ZBTB33: variants seen among roughly 807,000 people sequenced by gnomAD.
The protein encoded by ZBTB33 is zinc finger and BTB domain containing 33.
Under a neutral mutation model 25.9 loss-of-function variants are expected in ZBTB33, and 11 were observed. The ratio of observed to expected loss-of-function variants is 0.42; its 90% CI spans 0.27 to 0.70. The LOEUF is 0.70. ZBTB33 is among the 30% of genes least tolerant of loss of function. ZBTB33 has a pLI of 0.23. For missense variants in ZBTB33, 343 were observed against 501.1 expected (o/e 0.68, Z 3.01); for synonymous variants, 157 against 184.8 (o/e 0.85, Z 1.22).
At position 120,254,018 on chromosome X, in the gene ZBTB33, T is replaced by C; in HGVS notation, c.603T>C (p.Ile201=). 5.0e-6 allele frequency: 6 copies of C among 1,210,143 alleles called. No homozygotes were observed. Among genetic ancestry groups the C allele is most frequent in the Non-Finnish European group, 6.7e-6 (6 of 894,156 alleles). ...ATGATGTCATTTTTTGCTCCGAGAT[T>C]CTGCCCACAAAGGAGACTTTGCCGA... ...DDDDVIFCSE[I]LPTKETLPSN... Residue 201 remains isoleucine, a synonymous_variant, in exon 3 of 3, where the codon ATT becomes ATC. Coordinates refer to ENST00000557385, the MANE Select transcript of ZBTB33 (RefSeq NM_001184742.2).
chrX:120,254,334 A>T lies in ZBTB33; in HGVS notation c.919A>T (p.Asn307Tyr). ...TCCAAATCATATGCCCTCTTCAATC[A>T]ATTTACTTGTGCAGAATCAGCAGAC... ...SLPNHMPSSI[N>Y]LLVQNQQTPN... is the part of the protein sequence containing the mutation. The change falls in exon 3 of 3, where the codon AAT becomes TAT. Residue 307 changes from asparagine (N) to tyrosine (Y), a missense_variant. Around this residue, in one of 2 missense-constraint regions of ZBTB33, gnomAD observed 304 missense variants for 410.0 expected, o/e 0.74. Transcript: ENST00000557385. The T allele has an allele frequency of 8.3e-7, 1 of 1,211,871 alleles. No individual in the cohort carries two copies. The highest frequency in any genetic ancestry group is 1.1e-6 in the Non-Finnish European group (1 of 895,532).
At chrX:120,252,303 A>G (rs2057605448) in intron 1 of ZBTB33, among the ~76,000 whole-genome samples, 1 of 111,036 alleles carries the variant, frequency 9.0e-6, no homozygotes, top group Admixed American at 9.5e-5. Flanking sequence ...TTGTTAATAT[A>G]TAATATCCAT....
rs1345382933 is a variant in ZBTB33 at position 120,257,091 on chromosome X, A to T, written c.*1657A>T. 1.6e-5 allele frequency: 2 copies of T among 122,541 alleles called. No homozygotes were observed. The highest frequency in any genetic ancestry group is 3.3e-5 in the African/African-American group (1 of 30,615). 10.1% of individuals were successfully genotyped at this position (122,541 alleles called of 1,213,427 possible). A position where few individuals can be genotyped will look rare whatever the true frequency, so the allele number is the denominator to read the frequency against. ...TTCATGCAATAATACAAGAAAAAAA[A>T]TCCTTTGCTTGCCAAGAGGTAGAGT... On this transcript the variant is annotated 3_prime_UTR_variant, in exon 3 of 3. Coordinates refer to ENST00000557385, the MANE Select transcript of ZBTB33 (RefSeq NM_001184742.2).
rs1274932105 is a variant in ZBTB33 at position 120,258,326 on chromosome X, A to G, written c.*2892A>G. The stretch of plus-strand genomic sequence containing the variant: ...CTTCCCTGTCATGACTTTAAGTTCT[A>G]CTTTTCATTAACCATGGCCTGATAT... On this transcript the variant is annotated 3_prime_UTR_variant, in exon 3 of 3. Coordinates refer to ENST00000557385, the MANE Select transcript of ZBTB33 (RefSeq NM_001184742.2). 8.1e-5 allele frequency: 10 copies of G among 123,510 alleles called. No homozygotes were observed. Among genetic ancestry groups the G allele is most frequent in the Admixed American group, 6.6e-4 (7 of 10,599 alleles). The allele number at this position is 123,510 out of a possible 1,213,427, so 10.2% of individuals were successfully genotyped here.
At position 120,257,635 on chromosome X, in the gene ZBTB33, C is replaced by G. The variant is rs1354930446; in HGVS notation, c.*2201C>G. On this transcript the variant is annotated 3_prime_UTR_variant, in exon 3 of 3. Transcript: ENST00000557385. ...TCTGGAGTTTTTGGGAGGAGAGAAA[C>G]TGGAAAATTAAATTGTATTTTTGCC... The G allele has an allele frequency of 8.1e-6, 1 of 123,116 alleles. No individual in the cohort carries two copies. The highest frequency in any genetic ancestry group is 3.2e-5 in the African/African-American group (1 of 30,789). 10.1% of individuals were successfully genotyped at this position (123,116 alleles called of 1,213,427 possible).
chrX:120,251,392 G>A (rs1257731454), intron 1 of ZBTB33, among the ~76,000 whole-genome samples: 2 of 108,077 alleles, frequency 1.9e-5, no homozygotes, highest in Non-Finnish European at 3.8e-5. Context: ...CGCCTGCTTC[G>A]CTTCATCCCC....
At position 120,256,978 on chromosome X, in the gene ZBTB33, TA is replaced by T. The variant is rs1355558548; in HGVS notation, c.*1545del. On this transcript the variant is annotated 3_prime_UTR_variant, in exon 3 of 3. Coordinates refer to ENST00000557385, the MANE Select transcript of ZBTB33 (RefSeq NM_001184742.2). The stretch of plus-strand genomic sequence containing the variant: ...AAAGCTTTAATCATAATTTCTCATG[TA>T]TACATCGTTCTTCTGATGGTAAGCT... 8.1e-6 allele frequency: 1 copy of T among 123,001 alleles called. No homozygotes were observed. The highest frequency in any genetic ancestry group is 3.3e-5 in the African/African-American group (1 of 30,740). The allele number at this position is 123,001 out of a possible 1,213,427, so 10.1% of individuals were successfully genotyped here.
chrX:120,252,280 A>T (rs1024708195), intron 1 of ZBTB33, among the ~76,000 whole-genome samples: 2 of 111,300 alleles, frequency 1.8e-5, no homozygotes, highest in Non-Finnish European at 3.8e-5. Context: ...CACTAAAAGT[A>T]CTTGTCAACT....
Position 120,253,807 on chromosome X carries a change from A to T in ZBTB33, c.392A>T (p.Gln131Leu), listed in dbSNP as rs782716913. The T allele has an allele frequency of 8.3e-7, 1 of 1,211,794 alleles. No individual in the cohort carries two copies. Among genetic ancestry groups the T allele is most frequent in the Non-Finnish European group, 1.1e-6 (1 of 895,541 alleles). ...GTTAAAAGCATCTCAGGTACAGCGC[A>T]GGATGGTAATACTGAGCCTTTACCT... ...SQVKSISGTAQDGNTEPLPPD... is the reference protein window; with the variant it reads ...SQVKSISGTALDGNTEPLPPD... Residue 131 changes from glutamine (Q) to leucine (L), a missense_variant, in exon 3 of 3, where the codon CAG (glutamine) becomes CTG (leucine). Gln to Leu is a moderately radical substitution (Grantham distance 113). Around this residue, in one of 2 missense-constraint regions of ZBTB33, gnomAD observed 304 missense variants for 410.0 expected, o/e 0.74. Transcript: ENST00000557385.
At position 120,254,314 on chromosome X, in the gene ZBTB33, A is replaced by G; in HGVS notation, c.899A>G (p.Asn300Ser). The G allele has an allele frequency of 8.3e-7, 1 of 1,212,036 alleles. No homozygotes were observed. Among genetic ancestry groups the G allele is most frequent in the South Asian group, 1.8e-5 (1 of 57,022 alleles). Residue 300 changes from asparagine (N) to serine (S), a missense_variant, in exon 3 of 3, where the codon AAT (asparagine) becomes AGT (serine). Asn to Ser is a conservative substitution (Grantham distance 46). This residue lies in a region of ZBTB33 where 304 missense variants were observed against 410.0 expected (regional missense o/e 0.74). Coordinates refer to ENST00000557385, the MANE Select transcript of ZBTB33 (RefSeq NM_001184742.2). ...CCAAATGTCAGTTCTTCACTTCCAA[A>G]TCATATGCCCTCTTCAATCAATTTA... ...TPPNVSSSLPNHMPSSINLLV... is the reference protein window; with the variant it reads ...TPPNVSSSLPSHMPSSINLLV...
Position 120,255,293 on chromosome X carries a change from A to G in ZBTB33, c.1878A>G (p.Pro626=). The G allele has an allele frequency of 1.7e-6, 2 of 1,211,974 alleles. No homozygotes were observed. The highest frequency in any genetic ancestry group is 1.1e-6 in the Non-Finnish European group (1 of 895,400). ...GYKVDTGKEP[P]VGTTTSTQNK... is the part of the protein sequence containing the mutation. ...AGGTTGACACTGGAAAAGAACCTCC[A>G]GTAGGGACCACTACATCTACTCAGA... The change falls in exon 3 of 3, where the codon CCA becomes CCG. Residue 626 remains proline, a synonymous_variant. Transcript: ENST00000557385.
chrX:120,251,012 G>A (rs1374706244), intron 1 of ZBTB33, 35 bp downstream of exon 1: 1 of 112,967 alleles, frequency 8.9e-6, no homozygotes, highest in African/African-American at 3.2e-5. Context: ...AGGGGGCGAA[G>A]GAGCGCGCTT....
chrX:120,255,168 C>T lies in ZBTB33; in HGVS notation c.1753C>T (p.Arg585Cys), dbSNP rs2057629660. The T allele has an allele frequency of 8.3e-7, 1 of 1,211,545 alleles. No homozygotes were observed. Among genetic ancestry groups the T allele is most frequent in the Non-Finnish European group, 1.1e-6 (1 of 895,439 alleles). Reference protein sequence around the residue: ...QDPSGDSKLYRLHPCRSLQIR... With the variant: ...QDPSGDSKLYCLHPCRSLQIR... ...TCCTTCTGGGGACTCAAAGCTTTAT[C>T]GTTTACATCCATGCAGGTCTTTACA... is the stretch of plus-strand genomic sequence containing the variant. The change falls in exon 3 of 3, where the codon CGT becomes TGT. Residue 585 changes from arginine to cysteine, a missense_variant. By Grantham distance (180) the Arg-to-Cys change is radical. Coordinates refer to ENST00000557385, the MANE Select transcript of ZBTB33 (RefSeq NM_001184742.2).
rs1427970373 is a variant in ZBTB33 at position 120,254,827 on chromosome X, T to C, written c.1412T>C (p.Met471Thr). The change falls in exon 3 of 3, where the codon ATG becomes ACG. Residue 471 changes from methionine (M) to threonine (T), a missense_variant. Physicochemically the swap from Met to Thr is moderately conservative, Grantham distance 81 (BLOSUM62 -1). This residue lies in a region of ZBTB33 where 304 missense variants were observed against 410.0 expected (regional missense o/e 0.74). Transcript: ENST00000557385. The stretch of plus-strand genomic sequence containing the variant: ...ATACCAAAAACGTCTGGCAGCGAGA[T>C]GGCAAACAAACGTATGAAAGTAAAA... ...NEIPKTSGSE[M>T]ANKRMKVKHD... 8.3e-7 allele frequency: 1 copy of C among 1,211,930 alleles called. No individual in the cohort carries two copies. The highest frequency in any genetic ancestry group is 1.1e-6 in the Non-Finnish European group (1 of 895,555).
At position 120,258,076 on chromosome X, in the gene ZBTB33, C is replaced by T. The variant is rs781813555; in HGVS notation, c.*2642C>T. 3.2e-5 allele frequency: 4 copies of T among 123,111 alleles called. No individual in the cohort carries two copies. In the East Asian group the frequency reaches 8.3e-4, roughly 26 times the overall value. The allele number at this position is 123,111 out of a possible 1,213,427, so 10.1% of individuals were successfully genotyped here. Reference sequence around the variant, plus strand: ...ATGATTATTATGATTTTGGTGGTAACGATCCCCCACACACAACCACTATGA... The same window carrying T: ...ATGATTATTATGATTTTGGTGGTAATGATCCCCCACACACAACCACTATGA... On this transcript the variant is annotated 3_prime_UTR_variant, in exon 3 of 3. Coordinates refer to ENST00000557385, the MANE Select transcript of ZBTB33 (RefSeq NM_001184742.2).
At position 120,255,660 on chromosome X, in the gene ZBTB33, C is replaced by T. The variant is rs974300245; in HGVS notation, c.*226C>T. 10 of 351,429 alleles carry T rather than the reference C, an allele frequency of 2.8e-5. 1 individual carries two copies. The highest frequency in any genetic ancestry group is 1.1e-4 in the Admixed American group (2 of 18,667). 29.0% of individuals were successfully genotyped at this position (351,429 alleles called of 1,213,427 possible). A position where few individuals can be genotyped will look rare whatever the true frequency, so the allele number is the denominator to read the frequency against. ...ATCTGTTTATATAGTTAGTTTTCAG[C>T]TCATTTAAAAGAGGCAAAAATTAAA... is the stretch of plus-strand genomic sequence containing the variant. On this transcript the variant is annotated 3_prime_UTR_variant, in exon 3 of 3. Transcript: ENST00000557385.
At position 120,253,804 on chromosome X, in the gene ZBTB33, C is replaced by T. The variant is rs148764613; in HGVS notation, c.389C>T (p.Ala130Val). 9.3e-5 allele frequency: 113 copies of T among 1,209,497 alleles called. No individual in the cohort carries two copies. Among genetic ancestry groups the T allele is most frequent in the African/African-American group, 6.1e-4 (35 of 57,050 alleles). ...LSQVKSISGT[A>V]QDGNTEPLPP... ...CAGGTTAAAAGCATCTCAGGTACAG[C>T]GCAGGATGGTAATACTGAGCCTTTA... Residue 130 changes from alanine to valine, a missense_variant, in exon 3 of 3, where the codon GCG (alanine) becomes GTG (valine). Transcript: ENST00000557385.
chrX:120,255,491 G>T lies in ZBTB33; in HGVS notation c.*57G>T. On this transcript the variant is annotated 3_prime_UTR_variant, in exon 3 of 3. Coordinates refer to ENST00000557385, the MANE Select transcript of ZBTB33 (RefSeq NM_001184742.2). ...GGATGATGGGGCAGGGGTTTCAGAA[G>T]ATCTGTAAAACAAATTAAGGTGCGA... is the stretch of plus-strand genomic sequence containing the variant. The T allele has an allele frequency of 1.0e-6, 1 of 963,386 alleles. No individual in the cohort carries two copies. The highest frequency in any genetic ancestry group is 1.4e-6 in the Non-Finnish European group (1 of 701,419). The allele number at this position is 963,386 out of a possible 1,213,427, so 79.4% of individuals were successfully genotyped here. A position where few individuals can be genotyped will look rare whatever the true frequency, so the allele number is the denominator to read the frequency against.
At chrX:120,251,525 A>T (rs1375463441) in intron 1 of ZBTB33, among the ~76,000 whole-genome samples, 1 of 110,377 alleles carries the variant, frequency 9.1e-6, no homozygotes. Context: ...TTTGCACGTG[A>T]ATTGGGGTTA....
Sources: gnomAD v4.1 joint callset for allele counts (sites outside exome capture counted in the v4.1 genomes callset) on GRCh38, gnomAD v4.1.1 for gene constraint, gnomAD v4.1.1 regional missense constraint, MANE v1.5 for transcripts, NCBI Gene and HGNC (gene_info 2026-07-23, HGNC 2026-07-21) for gene names.